Variants in TJP1 observed in about 807,000 individuals in gnomAD.
TJP1 encodes the protein tight junction protein ZO-1.
In TJP1, 43 loss-of-function variants were observed where a neutral mutation model predicts 194.2. The observed-to-expected ratio is 0.22, with a 90% confidence interval of 0.17 to 0.29. TJP1 has a LOEUF of 0.29. Among genes scored for constraint, TJP1 ranks in the 10% least tolerant of loss-of-function variants. The pLI is 1.00. For synonymous variants in TJP1, 801 were observed against 779.0 expected (o/e 1.03, Z -0.47); for missense variants, 1,971 against 2,185.7 (o/e 0.90, Z 1.96).
Position 29,806,263 on chromosome 15 carries a change from T to C in TJP1, c.28-5561A>G, listed in dbSNP as rs78465769. On this transcript the variant is annotated intron_variant, in intron 1 of 27. Coordinates refer to ENST00000614355, the MANE Select transcript of TJP1 (RefSeq NM_001330239.4). Reference sequence around the variant, plus strand: ...TTACCCAAGGACTAAGATAACCCTGTGGACAACCAAAGGAATTTGAGAAGA... The same window carrying C: ...TTACCCAAGGACTAAGATAACCCTGCGGACAACCAAAGGAATTTGAGAAGA... Among the ~76,000 whole-genome samples, 610 of 152,238 alleles carry C rather than the reference T, an allele frequency of 4.0e-3. 16 individuals carry two copies. The East Asian group carries it at 0.076, about 19-fold the overall frequency.
At chr15:29,915,805 T>C (rs1213306797) in intron 2 of TJP1, among the ~76,000 whole-genome samples, 1 of 150,332 alleles carries the variant, frequency 6.7e-6, no homozygotes, top group East Asian at 2.0e-4. Flanking sequence ...GTAGCTACTT[T>C]CTTTGTTTTG....
In TJP1 at chr15:29,800,563, T is replaced by C; in HGVS notation, c.84+83A>G. 1.4e-6 allele frequency: 2 copies of C among 1,390,060 alleles called. 1 individual carries two copies. Among genetic ancestry groups the C allele is most frequent in the Middle Eastern group, 3.5e-4 (2 of 5,644 alleles). The allele number at this position is 1,390,060 out of a possible 1,614,324, so 86.1% of individuals were successfully genotyped here. A position where few individuals can be genotyped will look rare whatever the true frequency, so the allele number is the denominator to read the frequency against. ...AAGTTTCCTCCTCCCTCTGGCTTCC[T>C]GACATCTGGCTTTCCTCTATTGTTT... On this transcript the variant is annotated intron_variant, in intron 2 of 27. Coordinates refer to ENST00000614355, the MANE Select transcript of TJP1 (RefSeq NM_001330239.4).
At position 29,719,149 on chromosome 15, in the gene TJP1, A is replaced by G. The variant is rs1566889318; in HGVS notation, c.3004-11T>C. On this transcript the variant is annotated splice_polypyrimidine_tract_variant and intron_variant, in intron 20 of 27. Coordinates refer to ENST00000614355, the MANE Select transcript of TJP1 (RefSeq NM_001330239.4). ...ATCCTTTCTATACACCTGTATAAAA[A>G]ATTCACATTTAAGGACAAAGTCTTG... The G allele has an allele frequency of 6.4e-7, 1 of 1,564,420 alleles. No individual in the cohort carries two copies. The highest frequency in any genetic ancestry group is 1.7e-4 in the Middle Eastern group (1 of 5,786).
intron 1 of TJP1, among the ~76,000 whole-genome samples, chr15:29,801,308 A>C (rs2048764759): frequency 6.6e-6 from 1 of 152,192 alleles, no homozygotes; most frequent in South Asian, 2.1e-4. Flanking sequence ...ACACACAAGA[A>C]ACAAAAACAA....
At position 29,892,602 on chromosome 15, in the gene TJP1, T is replaced by C. The variant is rs370860259; in HGVS notation, c.306+63630A>G. On this transcript the variant is annotated intron_variant, in intron 2 of 28. Coordinates refer to the TJP1 transcript ENST00000356107. The stretch of plus-strand genomic sequence containing the variant: ...ACTTTAAGTTGAAGCCAATGCTTAT[T>C]TGTCATTCTGAAAATCCTAGGGCCC... Among the ~76,000 whole-genome samples the C allele has an allele frequency of 6.0e-4, 91 of 152,314 alleles. No homozygotes were observed. In the South Asian group the frequency reaches 0.018, roughly 31 times the overall value.
intron 8 of TJP1, among the ~76,000 whole-genome samples, chr15:29,750,588 C>T (rs2045205536): frequency 1.3e-5 from 2 of 152,142 alleles, no homozygotes; most frequent in African/African-American, 2.4e-5. Context: ...TATGCCTGGT[C>T]GCCATTTCAT....
intron 2 of TJP1, among the ~76,000 whole-genome samples, chr15:29,916,320 AG>A: frequency 6.6e-6 from 1 of 151,700 alleles, no homozygotes; most frequent in Non-Finnish European, 1.5e-5. Context: ...ATATATCTCT[AG>A]CATTTTTGTA....
At chr15:29,822,575 G>C (rs968875857), upstream of TJP1, 1 of 753,418 alleles carries the variant, frequency 1.3e-6, no homozygotes, top group South Asian at 5.8e-5. Flanking sequence ...CGGCGGGGGA[G>C]GGGGCGGGAC....
intron 23 of TJP1, among the ~76,000 whole-genome samples, chr15:29,711,482 C>T (rs1193644203): frequency 6.6e-6 from 1 of 152,158 alleles, no homozygotes; most frequent in African/African-American, 2.4e-5. Context: ...TCTTCTGCCT[C>T]AGCCTCCCGA....
chr15:29,864,237 C>CAAAAAAAAA (rs397975539), intron 2 of TJP1, among the ~76,000 whole-genome samples: 419 of 18,942 alleles, frequency 0.022, 53 homozygotes, highest in Non-Finnish European at 0.025. Flanking sequence ...ACTAAAAATA[C>CAAAAAAAAA]AAAAAAAAAA....
intron 2 of TJP1, among the ~76,000 whole-genome samples, chr15:29,876,240 C>T (rs542266656): frequency 7.2e-5 from 11 of 152,280 alleles, no homozygotes; most frequent in South Asian, 4.1e-4. Context: ...GAGATTTTGG[C>T]CGGGTGTGGT....
intron 23 of TJP1, among the ~76,000 whole-genome samples, chr15:29,715,265 G>A (rs543605858): frequency 6.6e-6 from 1 of 152,062 alleles, no homozygotes; most frequent in Admixed American, 6.6e-5. Context: ...CTAGTGTTGT[G>A]CTAAGGGGTG....
At chr15:29,769,294 T>C (rs940338328) in intron 4 of TJP1, among the ~76,000 whole-genome samples, 6 of 152,184 alleles carry the variant, frequency 3.9e-5, no homozygotes, top group African/African-American at 7.2e-5. Flanking sequence ...TTTGAAACAC[T>C]TGTTTAGTTT....
chr15:29,814,258 T>C (rs951663941), intron 1 of TJP1, among the ~76,000 whole-genome samples: 1 of 152,218 alleles, frequency 6.6e-6, no homozygotes, highest in African/African-American at 2.4e-5. Flanking sequence ...GACCATAAGT[T>C]TGCTCGTATT....
At chr15:29,773,720 T>C (rs141517827) in intron 2 of TJP1, among the ~76,000 whole-genome samples, 1 of 152,362 alleles carries the variant, frequency 6.6e-6, no homozygotes, top group African/African-American at 2.4e-5. Context: ...ATTTAGAAGA[T>C]GACAGACTTA....
At chr15:29,735,861 A>G (rs1162018037) in intron 11 of TJP1, among the ~76,000 whole-genome samples, 1 of 152,142 alleles carries the variant, frequency 6.6e-6, no homozygotes, top group Non-Finnish European at 1.5e-5. Flanking sequence ...TTGAAGGGAA[A>G]AGGAGGAGGA....
chr15:29,751,303 T>C (rs2045262601), intron 8 of TJP1, among the ~76,000 whole-genome samples: 1 of 152,244 alleles, frequency 6.6e-6, no homozygotes, highest in East Asian at 1.9e-4. Flanking sequence ...TGTAAATCTG[T>C]CCTTTACATG....
chr15:29,858,442 T>C (rs985793027), intron 2 of TJP1, among the ~76,000 whole-genome samples: 5 of 152,164 alleles, frequency 3.3e-5, no homozygotes, highest in Non-Finnish European at 2.9e-5. Context: ...CAGGTATAAA[T>C]ATTAATCCAA....
intron 8 of TJP1, among the ~76,000 whole-genome samples, chr15:29,754,380 T>C (rs141305295): frequency 7.3e-4 from 111 of 151,240 alleles, no homozygotes; most frequent in African/African-American, 2.4e-3. Flanking sequence ...GGGGGGAGGG[T>C]AGGAGGAGGG....
Sources: gnomAD v4.1 joint callset for allele counts (sites outside exome capture counted in the v4.1 genomes callset) on GRCh38, gnomAD v4.1.1 for gene constraint, MANE v1.5 for transcripts, NCBI Gene and HGNC (gene_info 2026-07-23, HGNC 2026-07-21) for gene names.